Variants in DLG2 observed in about 807,000 individuals in gnomAD.
DLG2 encodes disks large homolog 2.
A neutral mutation model predicts 132.5 loss-of-function variants in DLG2; 45 were observed. That is an observed-to-expected ratio of 0.34 (90% CI 0.27 to 0.44). DLG2 has a LOEUF of 0.44. DLG2 is among the 20% of genes least tolerant of loss of function. DLG2 has a pLI of 1.00. For synonymous variants in DLG2, 424 were observed against 419.6 expected, an observed-to-expected ratio of 1.01 and a Z score of -0.13; for missense variants, 1,045 against 1,196.9, an observed-to-expected ratio of 0.87 and a Z score of 1.87.
intron 18 of DLG2, among the ~76,000 whole-genome samples, chr11:83,730,086 G>A (rs553447224): frequency 6.7e-6 from 1 of 149,538 alleles, no homozygotes; most frequent in East Asian, 2.0e-4. Flanking sequence ...AATAGATATT[G>A]CTACTCAGGG....
chr11:84,362,415 G>C (rs2098654830), intron 7 of DLG2, among the ~76,000 whole-genome samples: 1 of 151,790 alleles, frequency 6.6e-6, no homozygotes, highest in African/African-American at 2.4e-5. Flanking sequence ...TAATTCAGAA[G>C]ACTTCACATG....
At chr11:83,811,109 A>C (rs960821677) in intron 17 of DLG2, among the ~76,000 whole-genome samples, 5 of 152,132 alleles carry the variant, frequency 3.3e-5, no homozygotes, top group African/African-American at 4.8e-5. Context: ...GACTCTGTAC[A>C]TCTATTAAGT....
intron 6 of DLG2, among the ~76,000 whole-genome samples, chr11:84,543,976 G>A (rs1565251346): frequency 6.6e-6 from 1 of 152,142 alleles, no homozygotes. Flanking sequence ...TAAACTCTAT[G>A]TAATTACCTA....
intron 6 of DLG2, among the ~76,000 whole-genome samples, chr11:84,588,497 T>C (rs1217585769): frequency 2.0e-5 from 3 of 152,172 alleles, no homozygotes; most frequent in African/African-American, 7.2e-5. Flanking sequence ...CTCTGGATTC[T>C]GACAAGGCTC....
chr11:84,834,176 G>C lies in DLG2; in HGVS notation c.357+277485C>G, dbSNP rs148467849. On this transcript the variant is annotated intron_variant, in intron 6 of 27. Coordinates refer to ENST00000376104, the MANE Select transcript of DLG2 (RefSeq NM_001142699.3). ...CATTTCAAATAGCAGTTTTTACTTT[G>C]AATGTGATAAGGAAAATAAATCATT... 9.9e-5 allele frequency among the ~76,000 whole-genome samples: 15 copies of C among 151,668 alleles called. No homozygotes were observed. The East Asian group carries it at 2.5e-3, about 26-fold the overall frequency.
rs143776022 is a variant in DLG2, at chr11:84,186,391, G to T, written c.574-22880C>A. ...TGCAAATATAAACCTAAGAGAGCTGGAGCGGCTATACTGATATTAGACAAC... is the reference window on the plus strand; with the variant it reads ...TGCAAATATAAACCTAAGAGAGCTGTAGCGGCTATACTGATATTAGACAAC... On this transcript the variant is annotated intron_variant, in intron 8 of 27. Coordinates refer to ENST00000376104, the MANE Select transcript of DLG2 (RefSeq NM_001142699.3). 3.0e-4 allele frequency among the ~76,000 whole-genome samples: 45 copies of T among 151,986 alleles called. No homozygotes were observed. In the East Asian group the frequency reaches 4.4e-3, roughly 15 times the overall value.
chr11:84,203,470 T>G (rs972912492), intron 8 of DLG2, among the ~76,000 whole-genome samples: 2 of 151,132 alleles, frequency 1.3e-5, no homozygotes, highest in Non-Finnish European at 2.9e-5. Flanking sequence ...TAGTTCCAGC[T>G]ACTTGGGAGG....
chr11:85,173,709 G>A (rs889625284), intron 4 of DLG2, among the ~76,000 whole-genome samples: 9 of 152,108 alleles, frequency 5.9e-5, no homozygotes, highest in Admixed American at 1.3e-4. Context: ...ACCCATTGGC[G>A]TGCTGTCTTT....
At position 84,973,133 on chromosome 11, in the gene DLG2, A is replaced by C. The variant is rs368885752; in HGVS notation, c.357+138528T>G. Among the ~76,000 whole-genome samples, 100 of 151,576 alleles carry C rather than the reference A, an allele frequency of 6.6e-4. 1 individual carries two copies. The South Asian group carries it at 0.02, about 31-fold the overall frequency. On this transcript the variant is annotated intron_variant, in intron 6 of 27. Transcript: ENST00000376104. ...CCACCACACCCACCTAATTTTTTGT[A>C]TTTTTAGTAGAGACGGGGTTTCGCC... is the stretch of plus-strand genomic sequence containing the variant.
intron 6 of DLG2, among the ~76,000 whole-genome samples, chr11:85,065,286 T>C (rs116764646): frequency 3.3e-5 from 5 of 151,526 alleles, no homozygotes; most frequent in African/African-American, 4.8e-5. Context: ...ATCTTCCACA[T>C]TGTCTACCTA....
chr11:85,007,686 A>AAAAAG (rs1566633611), intron 6 of DLG2, among the ~76,000 whole-genome samples: 2 of 142,712 alleles, frequency 1.4e-5, no homozygotes, highest in African/African-American at 2.6e-5. Context: ...AAAAAAAAAA[A>AAAAAG]AAAAGAAAAG....
chr11:84,762,711 A>G (rs2067806032), intron 6 of DLG2, among the ~76,000 whole-genome samples: 1 of 152,170 alleles, frequency 6.6e-6, no homozygotes, highest in South Asian at 2.1e-4. Context: ...TCATTTAACT[A>G]ATATTTATTG....
At position 85,111,673 on chromosome 11, in the gene DLG2, G is replaced by A. The variant is rs754599896; in HGVS notation, c.345C>T (p.Val115=). The A allele has an allele frequency of 3.2e-6, 5 of 1,563,482 alleles. No individual in the cohort carries two copies. Among genetic ancestry groups the A allele is most frequent in the Non-Finnish European group, 3.5e-6 (4 of 1,153,152 alleles). The change falls in exon 6 of 28, where the codon GTC becomes GTT. Residue 115 remains valine, a synonymous_variant. Transcript: ENST00000376104. ...CSVEAPAWMP[V]HHCTKYRYQD... Reference sequence around the variant, plus strand: ...TAATCAAACTTACAGTACAGTGGTGGACAGGCATCCAAGCAGGGGCTTCCA... The same window carrying A: ...TAATCAAACTTACAGTACAGTGGTGAACAGGCATCCAAGCAGGGGCTTCCA...
At chr11:84,134,475 C>A (rs1258748624) in intron 9 of DLG2, among the ~76,000 whole-genome samples, 1 of 152,016 alleles carries the variant, frequency 6.6e-6, no homozygotes. Flanking sequence ...CTTGACAATG[C>A]TCAAAAGCAC....
intron 6 of DLG2, among the ~76,000 whole-genome samples, chr11:84,948,209 C>T (rs2050469717): frequency 6.6e-6 from 1 of 152,204 alleles, no homozygotes; most frequent in Non-Finnish European, 1.5e-5. Flanking sequence ...AAGGCCTTCC[C>T]ATAGCAGACT....
At chr11:83,478,207 A>G (rs1293559122) in intron 22 of DLG2, among the ~76,000 whole-genome samples, 1 of 152,054 alleles carries the variant, frequency 6.6e-6, no homozygotes. Context: ...GGAATTCTTC[A>G]TATTTCCATT....
At chr11:83,506,008 C>T (rs2094679676) in intron 21 of DLG2, among the ~76,000 whole-genome samples, 1 of 152,180 alleles carries the variant, frequency 6.6e-6, no homozygotes, top group Admixed American at 6.5e-5. Context: ...TCAGGACCTA[C>T]TTGAGACCAA....
chr11:84,547,231 T>TA (rs1407688988), intron 6 of DLG2, among the ~76,000 whole-genome samples: 1 of 152,168 alleles, frequency 6.6e-6, no homozygotes, highest in Non-Finnish European at 1.5e-5. Flanking sequence ...TATTTGATTA[T>TA]AAAAAATTGG....
intron 4 of DLG2, among the ~76,000 whole-genome samples, chr11:85,210,109 A>T (rs2082163004): frequency 6.6e-6 from 1 of 152,130 alleles, no homozygotes; most frequent in Non-Finnish European, 1.5e-5. Flanking sequence ...AATCTAATTA[A>T]TTATTTATCT....
Sources: allele counts gnomAD v4.1 joint callset (sites outside exome capture counted in the v4.1 genomes callset), GRCh38; gene constraint gnomAD v4.1.1; transcripts MANE v1.5; gene names NCBI Gene and HGNC (gene_info 2026-07-23, HGNC 2026-07-21).